Variants in DENND5A observed in about 807,000 individuals in gnomAD.
DENND5A encodes DENN domain-containing protein 5A.
DENND5A carries 64 observed loss-of-function variants against 140.3 expected under a neutral mutation model. The observed-to-expected ratio is 0.46, with a 90% confidence interval of 0.37 to 0.56. The LOEUF is 0.56. Ranked by LOEUF, DENND5A falls within the 20% of genes least tolerant of loss-of-function variation. The pLI is 0.00. For missense variants in DENND5A, 1,292 were observed against 1,593.8 expected (o/e 0.81, Z 3.22); for synonymous variants, 605 against 607.7 (o/e 1.00, Z 0.07).
intron 1 of DENND5A, among the ~76,000 whole-genome samples, chr11:9,253,118 G>A (rs982797562): frequency 6.6e-6 from 1 of 152,090 alleles, no homozygotes; most frequent in African/African-American, 2.4e-5. Flanking sequence ...CCCTCAAAGT[G>A]CTGGGATTAC....
At chr11:9,148,927 A>G (rs1847519958) in intron 15 of DENND5A, among the ~76,000 whole-genome samples, 1 of 152,204 alleles carries the variant, frequency 6.6e-6, no homozygotes, top group African/African-American at 2.4e-5. Flanking sequence ...CAACAAAGAA[A>G]CTGTGTGCAT....
chr11:9,252,850 G>C (rs999015639), intron 1 of DENND5A, among the ~76,000 whole-genome samples: 13 of 130,928 alleles, frequency 9.9e-5, no homozygotes, highest in African/African-American at 3.2e-4. Context: ...GACAGCAACA[G>C]GATTTTTTTT....
At chr11:9,248,615 C>T (rs1450437484) in intron 1 of DENND5A, among the ~76,000 whole-genome samples, 1 of 151,824 alleles carries the variant, frequency 6.6e-6, no homozygotes, top group East Asian at 1.9e-4. Flanking sequence ...GATTGAGCCC[C>T]TGCATTCCAG....
At chr11:9,188,668 A>T (rs986356500) in intron 5 of DENND5A, among the ~76,000 whole-genome samples, 1 of 152,192 alleles carries the variant, frequency 6.6e-6, no homozygotes, top group African/African-American at 2.4e-5. Flanking sequence ...TGTTTTACTG[A>T]AGAGACTGGC....
At chr11:9,212,632 G>C (rs1849923788) in intron 1 of DENND5A, among the ~76,000 whole-genome samples, 1 of 148,106 alleles carries the variant, frequency 6.8e-6, no homozygotes, top group Non-Finnish European at 1.5e-5. Flanking sequence ...CACAAGTACT[G>C]AAAAAAAAAC....
chr11:9,236,693 GC>G (rs1173225259), intron 1 of DENND5A, among the ~76,000 whole-genome samples: 1 of 151,578 alleles, frequency 6.6e-6, no homozygotes, highest in Non-Finnish European at 1.5e-5. Context: ...ACCAGCCTGG[GC>G]AACAAAGCAA....
At chr11:9,204,362 C>A in intron 3 of DENND5A, 45 bp from the exon 4 acceptor site, 1 of 1,549,306 alleles carries the variant, frequency 6.5e-7, no homozygotes, top group South Asian at 1.2e-5. Context: ...CACTCACTGG[C>A]GATCCTCTTT....
chr11:9,191,468 G>C (rs867956782), intron 5 of DENND5A, among the ~76,000 whole-genome samples: 59 of 152,188 alleles, frequency 3.9e-4, no homozygotes, highest in African/African-American at 1.3e-3. Context: ...TCGAACTCCT[G>C]ACTTCAGGTG....
At chr11:9,218,552 C>A (rs1850186027) in intron 1 of DENND5A, among the ~76,000 whole-genome samples, 1 of 151,980 alleles carries the variant, frequency 6.6e-6, no homozygotes, top group Admixed American at 6.6e-5. Context: ...ATGGCGAAAT[C>A]CTGTCTACTA....
chr11:9,163,446 G>A (rs1848060335), intron 11 of DENND5A, among the ~76,000 whole-genome samples: 1 of 152,050 alleles, frequency 6.6e-6, no homozygotes. Context: ...GTATTTCACA[G>A]TCATCATTGG....
intron 1 of DENND5A, among the ~76,000 whole-genome samples, chr11:9,257,917 C>T (rs1352260815): frequency 6.6e-6 from 1 of 151,546 alleles, no homozygotes; most frequent in Non-Finnish European, 1.5e-5. Context: ...CTCAGCCTCC[C>T]GAGTAGCTGG....
At chr11:9,178,657 A>C (rs577608068) in intron 7 of DENND5A, among the ~76,000 whole-genome samples, 6 of 152,302 alleles carry the variant, frequency 3.9e-5, no homozygotes, top group South Asian at 2.1e-4. Context: ...CTTTGGCTGA[A>C]GGTAAATCGT....
At chr11:9,237,973 T>C (rs1156930185) in intron 1 of DENND5A, among the ~76,000 whole-genome samples, 8 of 152,324 alleles carry the variant, frequency 5.3e-5, no homozygotes, top group South Asian at 4.1e-4. Context: ...AAAATAAGTG[T>C]ACATGGATAT....
intron 4 of DENND5A, among the ~76,000 whole-genome samples, chr11:9,201,585 A>C (rs1849525420): frequency 6.6e-6 from 1 of 152,106 alleles, no homozygotes. Flanking sequence ...TGGGAGGATC[A>C]CTTGAGCATG....
chr11:9,194,259 G>A (rs910632982), intron 4 of DENND5A, among the ~76,000 whole-genome samples: 4 of 152,130 alleles, frequency 2.6e-5, no homozygotes, highest in African/African-American at 4.8e-5. Context: ...TTATTATAAC[G>A]TTTCAATAAA....
chr11:9,256,820 A>T (rs1851965927), intron 1 of DENND5A, among the ~76,000 whole-genome samples: 1 of 152,242 alleles, frequency 6.6e-6, no homozygotes, highest in African/African-American at 2.4e-5. Context: ...AATGGATTGT[A>T]GTGTGATTGT....
At chr11:9,196,197 C>T (rs1206097288) in intron 4 of DENND5A, among the ~76,000 whole-genome samples, 1 of 152,184 alleles carries the variant, frequency 6.6e-6, no homozygotes, top group Non-Finnish European at 1.5e-5. Context: ...AAATGATCCA[C>T]CCACCTCGGC....
At position 9,139,662 on chromosome 11, in the gene DENND5A, G is replaced by C; in HGVS notation, c.*9C>G. The C allele has an allele frequency of 6.2e-7, 1 of 1,611,970 alleles. No individual in the cohort carries two copies. The highest frequency in any genetic ancestry group is 8.5e-7 in the Non-Finnish European group (1 of 1,179,084). ...TTTCTCAGTCCTGCTGCTGGCTGGT[G>C]CTGGGAGGTCAGATGTCGATGCCCT... is the stretch of plus-strand genomic sequence containing the variant. On this transcript the variant is annotated 3_prime_UTR_variant, in exon 23 of 23. Transcript: ENST00000328194.
chr11:9,152,941 T>G, intron 12 of DENND5A, among the ~76,000 whole-genome samples: 1 of 148,946 alleles, frequency 6.7e-6, no homozygotes, highest in African/African-American at 2.5e-5. Context: ...GAGGTTGCAG[T>G]GAGCCTAGAT....
Sources: gnomAD v4.1 joint callset for allele counts (sites outside exome capture counted in the v4.1 genomes callset) on GRCh38, gnomAD v4.1.1 for gene constraint, MANE v1.5 for transcripts, NCBI Gene and HGNC (gene_info 2026-07-23, HGNC 2026-07-21) for gene names.